Variants in HEMK2 observed in about 807,000 individuals in gnomAD.
HEMK2 encodes HemK methyltransferase 2, ETF1 glutamine and histone H4 lysine.
chr21:28,707,301 T>C, the HEMK2 span, among the ~76,000 whole-genome samples: 1 of 150,044 alleles, frequency 6.7e-6, no homozygotes, highest in Non-Finnish European at 1.5e-5. Flanking sequence ...TGTCACCCAG[T>C]GTGGAGTACG....
At chr21:28,858,597 G>A in the HEMK2 span, among the ~76,000 whole-genome samples, 3 of 151,954 alleles carry the variant, frequency 2.0e-5, no homozygotes, top group African/African-American at 7.3e-5. Flanking sequence ...GAAGGAGGGA[G>A]GGACGCAGGG....
At chr21:28,792,523 C>A in the HEMK2 span, among the ~76,000 whole-genome samples, 3 of 152,120 alleles carry the variant, frequency 2.0e-5, no homozygotes, top group Non-Finnish European at 2.9e-5. Flanking sequence ...TCCTCTGTGC[C>A]CTGCTCTTGC....
At chr21:28,637,821 C>A in the HEMK2 span, among the ~76,000 whole-genome samples, 1 of 152,132 alleles carries the variant, frequency 6.6e-6, no homozygotes, top group Non-Finnish European at 1.5e-5. Flanking sequence ...TAGTTTACAA[C>A]TGCTGTGAGT....
chr21:28,607,215 A>G, the HEMK2 span, among the ~76,000 whole-genome samples: 6 of 152,156 alleles, frequency 3.9e-5, no homozygotes, highest in Admixed American at 2.6e-4. Context: ...GTTCGTGACC[A>G]GCCTGGGCAA....
chr21:28,814,224 G>A, the HEMK2 span, among the ~76,000 whole-genome samples: 24 of 152,090 alleles, frequency 1.6e-4, no homozygotes, highest in East Asian at 3.9e-4. Context: ...GCGACAGAGC[G>A]AGACTCCATC....
At chr21:28,685,287 T>G in the HEMK2 span, among the ~76,000 whole-genome samples, 8 of 152,308 alleles carry the variant, frequency 5.3e-5, no homozygotes, top group East Asian at 1.5e-3. Flanking sequence ...GGCATTATTT[T>G]GTACAATACA....
the HEMK2 span, among the ~76,000 whole-genome samples, chr21:28,814,545 A>T: frequency 6.6e-6 from 1 of 151,966 alleles, no homozygotes; most frequent in Non-Finnish European, 1.5e-5. Context: ...AGAAAAAAAA[A>T]AAACCCCATC....
At chr21:28,718,665 G>C in the HEMK2 span, among the ~76,000 whole-genome samples, 1 of 151,662 alleles carries the variant, frequency 6.6e-6, no homozygotes, top group African/African-American at 2.4e-5. Flanking sequence ...AGAGTTATGT[G>C]AAAACAGATA....
the HEMK2 span, among the ~76,000 whole-genome samples, chr21:28,627,455 T>A: frequency 1.3e-5 from 2 of 152,186 alleles, no homozygotes; most frequent in Admixed American, 1.3e-4. Context: ...ACAATAACCA[T>A]CTGTTTCATT....
the HEMK2 span, among the ~76,000 whole-genome samples, chr21:28,698,543 A>T: frequency 1.3e-5 from 2 of 152,154 alleles, no homozygotes; most frequent in Middle Eastern, 3.2e-3. Context: ...TATTTAATTT[A>T]AAAAAAGAAA....
the HEMK2 span, among the ~76,000 whole-genome samples, chr21:28,871,674 T>C: frequency 3.2e-3 from 493 of 152,282 alleles, 9 homozygotes; most frequent in African/African-American, 0.012. Context: ...TCTCACAGTT[T>C]TACAACTGTT....
At chr21:28,830,478 C>T in the HEMK2 span, among the ~76,000 whole-genome samples, 25 of 152,274 alleles carry the variant, frequency 1.6e-4, no homozygotes, top group East Asian at 4.8e-3. Context: ...AACTGTGAGT[C>T]AATTAAACCT....
At chr21:28,724,131 T>C in the HEMK2 span, among the ~76,000 whole-genome samples, 1 of 152,246 alleles carries the variant, frequency 6.6e-6, no homozygotes, top group Non-Finnish European at 1.5e-5. Flanking sequence ...CCTTGGACTC[T>C]GTTTGCTAAT....
At chr21:28,819,761 G>T in the HEMK2 span, among the ~76,000 whole-genome samples, 1 of 151,836 alleles carries the variant, frequency 6.6e-6, no homozygotes, top group Non-Finnish European at 1.5e-5. Flanking sequence ...TGTTGGCCAG[G>T]ATGGTCTCGA....
At chr21:28,725,333 T>G in the HEMK2 span, among the ~76,000 whole-genome samples, 1 of 152,164 alleles carries the variant, frequency 6.6e-6, no homozygotes, top group Admixed American at 6.5e-5. Flanking sequence ...TGGGTGCAGG[T>G]AGTTTATTTG....
chr21:28,885,142 G>C, the HEMK2 span: 8 of 1,456,088 alleles, frequency 5.5e-6, no homozygotes, highest in Admixed American at 2.3e-5. Context: ...TCACCGTTCC[G>C]GCCCTCCTCC....
At chr21:28,839,611 C>A in the HEMK2 span, among the ~76,000 whole-genome samples, 1 of 152,138 alleles carries the variant, frequency 6.6e-6, no homozygotes, top group East Asian at 1.9e-4. Flanking sequence ...AGAACACAAC[C>A]CCTTTTACAA....
chr21:28,745,230 A>C, the HEMK2 span, among the ~76,000 whole-genome samples: 2 of 152,242 alleles, frequency 1.3e-5, no homozygotes, highest in African/African-American at 4.8e-5. Context: ...TTAGTGGTGC[A>C]ATACTGTCAT....
the HEMK2 span, among the ~76,000 whole-genome samples, chr21:28,668,171 A>G: frequency 2.1e-4 from 32 of 152,212 alleles, no homozygotes; most frequent in African/African-American, 7.7e-4. Context: ...AAGGCACTAA[A>G]GGCATCTTGA....
Sources: allele counts gnomAD v4.1 joint callset (sites outside exome capture counted in the v4.1 genomes callset), GRCh38; gene constraint gnomAD v4.1.1; transcripts MANE v1.5; gene names NCBI Gene and HGNC (gene_info 2026-07-23, HGNC 2026-07-21).